CADPS: variants seen among roughly 807,000 people sequenced by gnomAD.
The protein encoded by CADPS is calcium-dependent secretion activator 1.
Under a neutral mutation model 167.3 loss-of-function variants are expected in CADPS, and 57 were observed. That is an observed-to-expected ratio of 0.34 (90% CI 0.28 to 0.42). CADPS has a LOEUF of 0.42. CADPS is among the 20% of genes least tolerant of loss of function. The pLI is 1.00. For missense variants in CADPS, 1,414 were observed against 1,738.1 expected (o/e 0.81, Z 3.32); for synonymous variants, 676 against 635.3 (o/e 1.06, Z -0.96).
intron 17 of CADPS, among the ~76,000 whole-genome samples, chr3:62,500,982 G>C (rs755668182): frequency 5.3e-5 from 8 of 152,206 alleles, no homozygotes; most frequent in Non-Finnish European, 1.0e-4. Flanking sequence ...GACTAGCCAG[G>C]TGTTGAAAGT....
intron 3 of CADPS, among the ~76,000 whole-genome samples, chr3:62,723,565 A>G (rs992524226): frequency 3.3e-5 from 5 of 152,208 alleles, no homozygotes; most frequent in African/African-American, 1.2e-4. Flanking sequence ...TCAGATGTTT[A>G]TCAGGCTAAA....
At chr3:62,512,499 T>C (rs897054986) in intron 17 of CADPS, among the ~76,000 whole-genome samples, 1 of 152,148 alleles carries the variant, frequency 6.6e-6, no homozygotes, top group African/African-American at 2.4e-5. Flanking sequence ...AAGGATGAAA[T>C]GAAGCTCTGC....
intron 3 of CADPS, among the ~76,000 whole-genome samples, chr3:62,702,255 G>A (rs1018880720): frequency 6.6e-6 from 1 of 152,148 alleles, no homozygotes; most frequent in African/African-American, 2.4e-5. Flanking sequence ...TTGCTTTACA[G>A]ATTCATTGAT....
At chr3:62,566,778 T>A (rs1032538073) in intron 9 of CADPS, among the ~76,000 whole-genome samples, 5 of 152,104 alleles carry the variant, frequency 3.3e-5, no homozygotes, top group African/African-American at 4.8e-5. Context: ...CAGAGGTTGT[T>A]AAGGGAGAAA....
Position 62,421,013 on chromosome 3 carries a change from T to C in CADPS, c.3777+17091A>G, listed in dbSNP as rs2051256718. On this transcript the variant is annotated intron_variant, in intron 28 of 29. Transcript: ENST00000383710. The surrounding 1 kb of genome is among the most constrained non-coding windows in gnomAD (Gnocchi z 4.7). ...CTCAGACCATTGTCCTTATACAAGA[T>C]ACACATTCAACATGCTGGGTGCCCT... Among the ~76,000 whole-genome samples the C allele has an allele frequency of 6.6e-6, 1 of 152,056 alleles. No individual in the cohort carries two copies. Among genetic ancestry groups the C allele is most frequent in the African/African-American group, 2.4e-5 (1 of 41,394 alleles).
chr3:62,469,728 C>T (rs4234671), intron 24 of CADPS: 131,744 of 165,064 alleles, frequency 0.8, 52,778 homozygotes, highest in African/African-American at 0.87. Flanking sequence ...CAAGGTGGTC[C>T]CGATCTCTTG....
At chr3:62,566,974 G>A (rs17696280) in intron 9 of CADPS, among the ~76,000 whole-genome samples, 18,859 of 152,194 alleles carry the variant, frequency 0.12, 1,602 homozygotes, top group South Asian at 0.2. Flanking sequence ...ATGATTCTCA[G>A]AAGTGAGCAC....
At chr3:62,770,120 T>C (rs1342166116) in intron 1 of CADPS, among the ~76,000 whole-genome samples, 1 of 152,156 alleles carries the variant, frequency 6.6e-6, no homozygotes, top group East Asian at 1.9e-4. Flanking sequence ...TGCCCCGACT[T>C]TTCTTGCCTG....
chr3:62,414,274 C>A (rs1217499211), intron 28 of CADPS, among the ~76,000 whole-genome samples: 1 of 152,176 alleles, frequency 6.6e-6, no homozygotes, highest in Non-Finnish European at 1.5e-5. Context: ...TCTGCTCAAG[C>A]AATACTCAGC....
intron 13 of CADPS, among the ~76,000 whole-genome samples, chr3:62,527,381 G>A (rs993216664): frequency 6.6e-6 from 1 of 151,972 alleles, no homozygotes; most frequent in Non-Finnish European, 1.5e-5. Flanking sequence ...AGACAAAAAT[G>A]GCACCACTCC....
intron 18 of CADPS, among the ~76,000 whole-genome samples, chr3:62,495,847 C>T (rs1229808315): frequency 3.3e-5 from 5 of 152,124 alleles, no homozygotes; most frequent in East Asian, 1.9e-4. Context: ...TACCATATAC[C>T]GCATGTGTGT....
At chr3:62,854,237 T>C (rs2079198194) in intron 1 of CADPS, among the ~76,000 whole-genome samples, 1 of 152,196 alleles carries the variant, frequency 6.6e-6, no homozygotes. Context: ...TGGTTGGAAT[T>C]GATAGACTAA....
intron 10 of CADPS, among the ~76,000 whole-genome samples, chr3:62,554,071 T>C (rs1411327878): frequency 1.3e-5 from 2 of 152,196 alleles, no homozygotes; most frequent in Admixed American, 6.5e-5. Context: ...AAAAGGTCTT[T>C]ATGAGTCGTA....
intron 6 of CADPS, among the ~76,000 whole-genome samples, chr3:62,598,622 C>G (rs1258420772): frequency 2.0e-5 from 3 of 152,130 alleles, no homozygotes; most frequent in Non-Finnish European, 4.4e-5. Context: ...ATTTGAAAGC[C>G]TCTTGGACAT....
At chr3:62,812,749 A>T (rs531018308) in intron 1 of CADPS, among the ~76,000 whole-genome samples, 1 of 152,336 alleles carries the variant, frequency 6.6e-6, no homozygotes, top group East Asian at 1.9e-4. Flanking sequence ...TTTCTGAATT[A>T]CAAGTGAGTG....
At chr3:62,462,142 C>T (rs967756232) in intron 26 of CADPS, among the ~76,000 whole-genome samples, 1 of 152,232 alleles carries the variant, frequency 6.6e-6, no homozygotes, top group Non-Finnish European at 1.5e-5. Context: ...CACGCAAAAG[C>T]ACATCTTGTA....
chr3:62,599,668 TATATATACA>T (rs1219347198), intron 6 of CADPS, among the ~76,000 whole-genome samples: 6 of 57,964 alleles, frequency 1.0e-4, no homozygotes, highest in African/African-American at 4.4e-4. Flanking sequence ...TAATATATAT[TATATATACA>T]ATATTATATA....
chr3:62,456,290 A>T (rs554268155), intron 26 of CADPS, among the ~76,000 whole-genome samples: 2 of 152,166 alleles, frequency 1.3e-5, no homozygotes. Flanking sequence ...AAACTAGCTC[A>T]CTTTAAAAAT....
chr3:62,822,430 G>A (rs550384410), intron 1 of CADPS, among the ~76,000 whole-genome samples: 2 of 152,336 alleles, frequency 1.3e-5, no homozygotes, highest in South Asian at 2.1e-4. Context: ...ATGAGGCAGA[G>A]TAGGCACCTG....
Sources: allele counts gnomAD v4.1 joint callset (sites outside exome capture counted in the v4.1 genomes callset), GRCh38; gene constraint gnomAD v4.1.1; non-coding constraint Gnocchi (gnomAD v3.1); transcripts MANE v1.5; gene names NCBI Gene and HGNC (gene_info 2026-07-23, HGNC 2026-07-21).